RAP1A: variants seen among roughly 807,000 people sequenced by gnomAD.
RAP1A encodes ras-related protein Rap-1A.
In RAP1A, 6 loss-of-function variants were observed where a neutral mutation model predicts 26.4. The ratio of observed to expected loss-of-function variants is 0.23; its 90% CI spans 0.12 to 0.45. The LOEUF (loss-of-function observed/expected upper bound fraction) is 0.45. Ranked by LOEUF, RAP1A falls within the 20% of genes least tolerant of loss-of-function variation. RAP1A has a pLI of 0.99. For synonymous variants in RAP1A, 73 were observed against 79.4 expected (o/e 0.92, Z 0.43); for missense variants, 121 against 217.2 (o/e 0.56, Z 2.78).
upstream of RAP1A, among the ~76,000 whole-genome samples, chr1:111,617,837 A>T (rs947377506): frequency 5.4e-4 from 82 of 151,670 alleles, 1 homozygote; most frequent in African/African-American, 1.8e-3. Context: ...TGAGGTTGGG[A>T]ATTCGAGACC....
At chr1:111,661,604 G>C (rs1660638244) in intron 1 of RAP1A, among the ~76,000 whole-genome samples, 1 of 151,376 alleles carries the variant, frequency 6.6e-6, no homozygotes, top group African/African-American at 2.4e-5. Context: ...TTCGAGACCA[G>C]CCTGACCAAC....
At chr1:111,683,734 A>G (rs1173556607) in intron 1 of RAP1A, among the ~76,000 whole-genome samples, 2 of 152,234 alleles carry the variant, frequency 1.3e-5, no homozygotes, top group Admixed American at 6.5e-5. Context: ...CCAGAGGTAC[A>G]AAGAGGAGCT....
At chr1:111,686,245 A>G (rs1356319953) in intron 1 of RAP1A, among the ~76,000 whole-genome samples, 4 of 152,214 alleles carry the variant, frequency 2.6e-5, no homozygotes, top group African/African-American at 9.6e-5. Flanking sequence ...CGTTCTGCAC[A>G]TGTATTCCAG....
intron 1 of RAP1A, among the ~76,000 whole-genome samples, chr1:111,688,995 C>G (rs1202358039): frequency 6.6e-6 from 1 of 151,842 alleles, no homozygotes; most frequent in Admixed American, 6.6e-5. Context: ...CCACCACGCT[C>G]AGCTAATTTT....
intron 1 of RAP1A, chr1:111,648,820 G>A: frequency 1.5e-6 from 1 of 686,944 alleles, no homozygotes; most frequent in East Asian, 2.8e-5. Context: ...TCATTGTATT[G>A]GGCCGAGATG....
chr1:111,677,522 A>G (rs934068361), intron 1 of RAP1A, among the ~76,000 whole-genome samples: 7 of 152,166 alleles, frequency 4.6e-5, no homozygotes, highest in South Asian at 2.1e-4. Flanking sequence ...AGCTCATGAT[A>G]TCTCACGAGG....
intron 6 of RAP1A, 65 bp downstream of exon 6, chr1:111,704,551 G>T: frequency 6.9e-7 from 1 of 1,444,420 alleles, no homozygotes; most frequent in South Asian, 1.5e-5. Flanking sequence ...TTAACAGCCA[G>T]ACTTTTAAGA....
chr1:111,569,281 G>A (rs1467519630), intron 1 of RAP1A, among the ~76,000 whole-genome samples: 1 of 151,274 alleles, frequency 6.6e-6, no homozygotes, highest in African/African-American at 2.4e-5. Flanking sequence ...TGCACCTACA[G>A]TCCCAGCTAC....
rs34766711 is a variant in RAP1A, at chr1:111,646,420, TA to T, written c.-28+26500del. Among the ~76,000 whole-genome samples, 361 of 106,990 alleles carry T rather than the reference TA, an allele frequency of 3.4e-3. 2 individuals are homozygous for T. The highest frequency in any genetic ancestry group is 8.5e-3 in the African/African-American group (221 of 26,128). The allele number at this position is 106,990 out of a possible 152,430, so 70.2% of individuals were successfully genotyped here. ...AATTCTCTGTCAGTTTTCCTTTTTG[TA>T]AAAAAAAAAAAAACAAAACAAAACC... On this transcript the variant is annotated intron_variant, in intron 1 of 7. Transcript: ENST00000369709.
intron 1 of RAP1A, among the ~76,000 whole-genome samples, chr1:111,631,792 T>C (rs1174266093): frequency 6.6e-6 from 1 of 152,156 alleles, no homozygotes; most frequent in Non-Finnish European, 1.5e-5. Context: ...TGTCTTTTTT[T>C]CCATAAATCA....
At chr1:111,691,966 G>A (rs550095117) in intron 2 of RAP1A, among the ~76,000 whole-genome samples, 15 of 152,324 alleles carry the variant, frequency 9.8e-5, no homozygotes, top group African/African-American at 3.4e-4. Flanking sequence ...ACTTGTGAGC[G>A]AGATACTCTG....
intron 1 of RAP1A, among the ~76,000 whole-genome samples, chr1:111,605,437 G>A (rs546383261): frequency 1.1e-4 from 17 of 152,288 alleles, no homozygotes; most frequent in Non-Finnish European, 1.6e-4. Flanking sequence ...TTTGGTCTTC[G>A]TACTATATTC....
chr1:111,572,597 T>C (rs1658072615), intron 1 of RAP1A, among the ~76,000 whole-genome samples: 1 of 152,206 alleles, frequency 6.6e-6, no homozygotes, highest in Admixed American at 6.5e-5. Context: ...ATCAATCTGC[T>C]CTGATTCCGA....
chr1:111,693,038 G>C (rs1302039738), intron 2 of RAP1A, among the ~76,000 whole-genome samples: 1 of 152,136 alleles, frequency 6.6e-6, no homozygotes, highest in Non-Finnish European at 1.5e-5. Flanking sequence ...ACTAGAGAGA[G>C]AAGAGCAGAG....
At chr1:111,549,917 T>C (rs1463597740) in intron 1 of RAP1A, among the ~76,000 whole-genome samples, 1 of 152,164 alleles carries the variant, frequency 6.6e-6, no homozygotes, top group Non-Finnish European at 1.5e-5. Context: ...CCTACCAAAG[T>C]GCTGGAATTA....
chr1:111,627,027 T>C (rs1310791691), intron 1 of RAP1A, among the ~76,000 whole-genome samples: 1 of 152,144 alleles, frequency 6.6e-6, no homozygotes, highest in Non-Finnish European at 1.5e-5. Flanking sequence ...GGAAATGTAT[T>C]TCTTATTCCA....
chr1:111,552,973 A>G (rs1657329962), intron 1 of RAP1A, among the ~76,000 whole-genome samples: 1 of 152,224 alleles, frequency 6.6e-6, no homozygotes, highest in Non-Finnish European at 1.5e-5. Flanking sequence ...CATCTCTAGG[A>G]CTATTACAAT....
upstream of RAP1A, among the ~76,000 whole-genome samples, chr1:111,615,807 G>T (rs1659002827): frequency 1.4e-5 from 2 of 146,236 alleles, no homozygotes; most frequent in Non-Finnish European, 3.0e-5. Flanking sequence ...CTCCAGCCTG[G>T]TGACAGAGTG....
At chr1:111,572,547 G>A (rs1005680426) in intron 1 of RAP1A, among the ~76,000 whole-genome samples, 13 of 152,216 alleles carry the variant, frequency 8.5e-5, no homozygotes, top group Admixed American at 8.5e-4. Context: ...TACTTCAGCA[G>A]TAGAGACAGG....
Sources: allele counts gnomAD v4.1 joint callset (sites outside exome capture counted in the v4.1 genomes callset), GRCh38; gene constraint gnomAD v4.1.1; transcripts MANE v1.5; gene names NCBI Gene and HGNC (gene_info 2026-07-23, HGNC 2026-07-21).